Variants in OR2L13 observed in about 807,000 individuals in gnomAD.
The protein encoded by OR2L13 is olfactory receptor family 2 subfamily L member 13.
OR2L13 carries 14 observed loss-of-function variants against 15.3 expected under a neutral mutation model. The observed-to-expected ratio is 0.91, with a 90% confidence interval of 0.60 to 1.43. The LOEUF (loss-of-function observed/expected upper bound fraction) is 1.43, where lower values mean the gene tolerates loss of function less well. Ranked by LOEUF, OR2L13 falls within the 40% of genes most tolerant of loss-of-function variation. The probability of loss-of-function intolerance (pLI) is 0.00; values close to 1 mark genes in which losing one functional copy is unlikely to be tolerated. For missense variants in OR2L13, 367 were observed against 387.9 expected (o/e 0.95, Z 0.45); for synonymous variants, 152 against 142.9 (o/e 1.06, Z -0.45).
the OR2L13 span, chr1:248,038,542 C>T: frequency 1.9e-6 from 3 of 1,614,196 alleles, no homozygotes; most frequent in South Asian, 1.1e-5. Flanking sequence ...AAGTCTATCT[C>T]CTTCACTGGA....
chr1:248,022,541 G>A, the OR2L13 span: 1 of 1,614,158 alleles, frequency 6.2e-7, no homozygotes, highest in East Asian at 2.2e-5. Context: ...AGTACACAGT[G>A]TTTTTGAGCA....
chr1:248,039,489 C>T, the OR2L13 span: 1 of 231,546 alleles, frequency 4.3e-6, no homozygotes, highest in Non-Finnish European at 8.6e-6. Context: ...GGCGCAATCT[C>T]AGCTCCCCAT....
At chr1:248,067,095 A>C in the OR2L13 span, among the ~76,000 whole-genome samples, 11 of 152,358 alleles carry the variant, frequency 7.2e-5, no homozygotes, top group African/African-American at 2.4e-4. Context: ...TACTAATTTT[A>C]TCACAAGTTA....
the OR2L13 span, among the ~76,000 whole-genome samples, chr1:248,077,992 T>C: frequency 6.6e-6 from 1 of 152,206 alleles, no homozygotes; most frequent in Non-Finnish European, 1.5e-5. Flanking sequence ...AAGAGGCATC[T>C]TATCAAATAG....
At chr1:247,987,608 C>G in the OR2L13 span, among the ~76,000 whole-genome samples, 4 of 152,162 alleles carry the variant, frequency 2.6e-5, no homozygotes, top group Admixed American at 6.5e-5. Context: ...ATAACAAACT[C>G]TTCCTGACCC....
chr1:248,045,967 CAT>C, the OR2L13 span: 57 of 152,156 alleles, frequency 3.7e-4, no homozygotes, highest in African/African-American at 1.2e-3. Flanking sequence ...TCAATCAATA[CAT>C]GTTTAAAAAA....
At chr1:248,039,206 G>A in the OR2L13 span, 12 of 1,603,340 alleles carry the variant, frequency 7.5e-6, no homozygotes, top group Non-Finnish European at 1.0e-5. Context: ...TGAAAATGTA[G>A]ACATACGTTC....
At chr1:248,092,162 C>T (rs1372610532), upstream of OR2L13, among the ~76,000 whole-genome samples, 1 of 152,076 alleles carries the variant, frequency 6.6e-6, no homozygotes, top group Non-Finnish European at 1.5e-5. Context: ...TTTATCAAAT[C>T]AGGGAGCTTT....
chr1:247,966,014 C>G, the OR2L13 span: 1 of 1,613,516 alleles, frequency 6.2e-7, no homozygotes. Context: ...CCATTCCTAG[C>G]CATTCTGGCT....
At chr1:248,029,481 CAA>C in the OR2L13 span, among the ~76,000 whole-genome samples, 15 of 151,674 alleles carry the variant, frequency 9.9e-5, no homozygotes, top group African/African-American at 3.4e-4. Context: ...ATTAATAAAC[CAA>C]AGAGAGTAAT....
chr1:248,061,610 G>T, the OR2L13 span: 158 of 1,610,566 alleles, frequency 9.8e-5, no homozygotes, highest in Admixed American at 2.1e-3. Flanking sequence ...ATCTGCTCTG[G>T]GAAAATGTAG....
At chr1:248,011,912 GTTA>G in the OR2L13 span, among the ~76,000 whole-genome samples, 2 of 151,996 alleles carry the variant, frequency 1.3e-5, no homozygotes, top group Non-Finnish European at 2.9e-5. Context: ...GACATAAATG[GTTA>G]TCACCTGAGT....
chr1:247,949,834 C>T, the OR2L13 span: 1 of 1,506,900 alleles, frequency 6.6e-7, no homozygotes, highest in Non-Finnish European at 9.1e-7. Context: ...CTCAGATACA[C>T]ATCCATTCAG....
At chr1:247,969,294 T>G in the OR2L13 span, among the ~76,000 whole-genome samples, 121 of 152,342 alleles carry the variant, frequency 7.9e-4, no homozygotes, top group Non-Finnish European at 7.3e-4. Flanking sequence ...TTCTGTAGGT[T>G]GCCTGTTCAC....
the OR2L13 span, chr1:247,990,559 A>G: frequency 1.3e-6 from 2 of 1,565,474 alleles, no homozygotes; most frequent in Non-Finnish European, 1.8e-6. Flanking sequence ...TGGGTGTGGG[A>G]TTCAGAGTTT....
chr1:247,981,801 A>C, the OR2L13 span, among the ~76,000 whole-genome samples: 2 of 151,882 alleles, frequency 1.3e-5, no homozygotes, highest in Non-Finnish European at 2.9e-5. Flanking sequence ...TATGTCACAG[A>C]CTGCTCATAA....
the OR2L13 span, among the ~76,000 whole-genome samples, chr1:248,090,128 C>T: frequency 9.2e-3 from 1,406 of 152,166 alleles, 28 homozygotes; most frequent in African/African-American, 0.032. Flanking sequence ...GTAATAAATT[C>T]CTCCCTTTCT....
At chr1:248,086,451 A>G in the OR2L13 span, among the ~76,000 whole-genome samples, 1 of 152,202 alleles carries the variant, frequency 6.6e-6, no homozygotes. Flanking sequence ...ATTATGATGT[A>G]TAATATGGTT....
chr1:247,985,037 A>G, the OR2L13 span, among the ~76,000 whole-genome samples: 3 of 152,282 alleles, frequency 2.0e-5, no homozygotes, highest in African/African-American at 4.8e-5. Context: ...AGATTTATCT[A>G]TGTTGTAGCA....
Sources: gnomAD v4.1 joint callset for allele counts (sites outside exome capture counted in the v4.1 genomes callset) on GRCh38, gnomAD v4.1.1 for gene constraint, MANE v1.5 for transcripts, NCBI Gene and HGNC (gene_info 2026-07-23, HGNC 2026-07-21) for gene names.